The following FFAR4 variants were observed in gnomAD, a reference collection of about 807,000 sequenced individuals.
FFAR4 encodes the protein G-protein coupled receptor 120.
A neutral mutation model predicts 27.0 loss-of-function variants in FFAR4; 19 were observed. That is an observed-to-expected ratio of 0.70 (90% CI 0.49 to 1.03). The LOEUF (loss-of-function observed/expected upper bound fraction) is 1.03. Among genes scored for constraint, FFAR4 ranks in the 50% least tolerant of loss-of-function variants. The pLI is 0.00. For missense variants in FFAR4, 476 were observed against 479.0 expected (o/e 0.99, Z 0.06); for synonymous variants, 254 against 215.6 (o/e 1.18, Z -1.56).
At chr10:93,568,019 G>T (rs2058109382) in intron 1 of FFAR4, among the ~76,000 whole-genome samples, 1 of 152,204 alleles carries the variant, frequency 6.6e-6, no homozygotes. Context: ...TACATAGCGG[G>T]TCAATAGTTG....
rs998886844 is a variant in FFAR4, at chr10:93,587,777, T to C, written c.*168T>C. On this transcript the variant is annotated 3_prime_UTR_variant, in exon 3 of 3. Transcript: ENST00000371481. The stretch of plus-strand genomic sequence containing the variant: ...AAGGGGTGATCACCAAGTTTCATAA[T>C]ATTTTCCCTTTATAAAAGGATTTGT... The C allele has an allele frequency of 1.3e-5, 9 of 667,716 alleles. No homozygotes were observed. The highest frequency in any genetic ancestry group is 5.4e-5 in the African/African-American group (3 of 55,200). 41.4% of individuals were successfully genotyped at this position (667,716 alleles called of 1,614,324 possible).
At position 93,576,918 on chromosome 10, in the gene FFAR4, G is replaced by T. The variant is rs570306524; in HGVS notation, c.696+699G>T. Among the ~76,000 whole-genome samples, 13 of 152,308 alleles carry T rather than the reference G, an allele frequency of 8.5e-5. No homozygotes were observed. The South Asian group carries it at 2.7e-3, about 32-fold the overall frequency. ...TATAAAAAGCACACTGAGCATAGGT[G>T]TAGGCTCAAACTGAGTGCATTCATG... On this transcript the variant is annotated intron_variant, in intron 2 of 2. Coordinates refer to ENST00000371481, the MANE Select transcript of FFAR4 (RefSeq NM_001195755.2).
chr10:93,582,432 T>C (rs1411686639), intron 2 of FFAR4, among the ~76,000 whole-genome samples: 4 of 151,100 alleles, frequency 2.6e-5, no homozygotes, highest in African/African-American at 9.7e-5. Flanking sequence ...TAATCCCAGC[T>C]ACTCAGGAGG....
intron 2 of FFAR4, among the ~76,000 whole-genome samples, chr10:93,583,476 C>T (rs897323806): frequency 1.3e-5 from 2 of 151,850 alleles, no homozygotes; most frequent in South Asian, 2.1e-4. Context: ...TGGCAACTGT[C>T]GCATGAGTGC....
chr10:93,575,974 T>C, intron 1 of FFAR4, 117 bp from the exon 2 acceptor site: 4 of 959,414 alleles, frequency 4.2e-6, no homozygotes, highest in Non-Finnish European at 6.5e-6. Flanking sequence ...ACTGTCATGC[T>C]AGTTGTGTAA....
chr10:93,578,067 A>T (rs1202294588), intron 2 of FFAR4, among the ~76,000 whole-genome samples: 1 of 152,140 alleles, frequency 6.6e-6, no homozygotes, highest in Non-Finnish European at 1.5e-5. Flanking sequence ...GACTTTGCAA[A>T]CACTTTGCAA....
chr10:93,575,422 A>G (rs61866612), intron 1 of FFAR4, among the ~76,000 whole-genome samples: 6,223 of 152,318 alleles, frequency 0.041, 533 homozygotes, highest in East Asian at 0.39. Flanking sequence ...GGATCAATAC[A>G]ACATAGTGAT....
chr10:93,575,250 T>C (rs191339556), intron 1 of FFAR4, among the ~76,000 whole-genome samples: 1 of 152,346 alleles, frequency 6.6e-6, no homozygotes. Flanking sequence ...CAAGTGGGCA[T>C]AGGAAGTTTA....
At chr10:93,568,635 G>A (rs1013738961) in intron 1 of FFAR4, among the ~76,000 whole-genome samples, 9 of 152,190 alleles carry the variant, frequency 5.9e-5, no homozygotes, top group African/African-American at 2.2e-4. Context: ...TCCAGAGCCT[G>A]AGACAGAGAG....
intron 2 of FFAR4, among the ~76,000 whole-genome samples, chr10:93,577,470 G>A (rs893591731): frequency 1.3e-5 from 2 of 152,156 alleles, no homozygotes; most frequent in Non-Finnish European, 1.5e-5. Flanking sequence ...GCCCCTCCAT[G>A]TCACTCATTA....
At chr10:93,575,477 T>A (rs879883631) in intron 1 of FFAR4, among the ~76,000 whole-genome samples, 4 of 152,208 alleles carry the variant, frequency 2.6e-5, no homozygotes, top group African/African-American at 9.6e-5. Context: ...CATATTCCAT[T>A]GGTTTTACAT....
intron 2 of FFAR4, among the ~76,000 whole-genome samples, chr10:93,581,591 T>C (rs1190181502): frequency 6.6e-6 from 1 of 152,064 alleles, no homozygotes; most frequent in East Asian, 1.9e-4. Context: ...CAGAAGCTCA[T>C]GTGGGTGTGG....
intron 2 of FFAR4, among the ~76,000 whole-genome samples, chr10:93,583,381 A>G (rs11187525): frequency 0.06 from 9,093 of 151,094 alleles, 402 homozygotes; most frequent in Non-Finnish European, 0.089. Context: ...GCGCCACTGC[A>G]CTTCAGCCTG....
intron 2 of FFAR4, among the ~76,000 whole-genome samples, chr10:93,579,389 C>A (rs569186161): frequency 8.5e-5 from 13 of 152,264 alleles, no homozygotes; most frequent in Admixed American, 3.9e-4. Context: ...ATACTGCTGC[C>A]CCAGGGCCTT....
At position 93,567,134 on chromosome 10, in the gene FFAR4, G is replaced by T; in HGVS notation, c.414G>T (p.Val138=). ...CCGCGGTCAGCCTGGAGCGCATGGT[G>T]TGCATCGTGCACCTGCAGCGCGGCG... The part of the protein sequence containing the change: ...TLAAVSLERM[V]CIVHLQRGVR... Residue 138 remains valine (V), a synonymous_variant, in exon 1 of 3, where the codon GTG becomes GTT. Transcript: ENST00000371481. 1 of 1,607,430 alleles carries T rather than the reference G, an allele frequency of 6.2e-7. No individual in the cohort carries two copies. The highest frequency in any genetic ancestry group is 8.5e-7 in the Non-Finnish European group (1 of 1,178,568).
chr10:93,570,480 C>T (rs959643561), intron 1 of FFAR4, among the ~76,000 whole-genome samples: 4 of 151,870 alleles, frequency 2.6e-5, no homozygotes, highest in African/African-American at 9.7e-5. Flanking sequence ...CAGCTTTCTG[C>T]TTGTGGATTC....
intron 2 of FFAR4, among the ~76,000 whole-genome samples, chr10:93,583,709 C>T (rs2058212375): frequency 6.6e-6 from 1 of 152,148 alleles, no homozygotes; most frequent in African/African-American, 2.4e-5. Context: ...TACTGGTGGG[C>T]AAGTTTTGTA....
chr10:93,587,228 G>A lies in FFAR4; in HGVS notation c.705G>A (p.Lys235=). 6.2e-7 allele frequency: 1 copy of A among 1,612,718 alleles called. No individual in the cohort carries two copies. The highest frequency in any genetic ancestry group is 1.1e-5 in the South Asian group (1 of 90,952). Residue 235 remains lysine, a synonymous_variant, in exon 3 of 3, where the codon AAG becomes AAA. Coordinates refer to ENST00000371481, the MANE Select transcript of FFAR4 (RefSeq NM_001195755.2). The stretch of plus-strand genomic sequence containing the variant: ...GTTTTGGTTTTCCACAGATCACAAA[G>A]GCATCAAGGAAGAGGCTCACGGTAA... ...ISYSKILQIT[K]ASRKRLTVSL...
intron 2 of FFAR4, among the ~76,000 whole-genome samples, chr10:93,577,236 G>T (rs1020831245): frequency 1.3e-5 from 2 of 152,210 alleles, no homozygotes; most frequent in Non-Finnish European, 2.9e-5. Context: ...TTGAATCCTC[G>T]TGGAGGTTTA....
Sources: allele counts gnomAD v4.1 joint callset (sites outside exome capture counted in the v4.1 genomes callset), GRCh38; gene constraint gnomAD v4.1.1; transcripts MANE v1.5; gene names NCBI Gene and HGNC (gene_info 2026-07-23, HGNC 2026-07-21).